Variants in MCC observed in about 807,000 individuals in gnomAD.
MCC encodes MCC regulator of Wnt signaling pathway.
MCC carries 90 observed loss-of-function variants against 116.2 expected under a neutral mutation model. The observed-to-expected ratio is 0.77, with a 90% confidence interval of 0.65 to 0.92. The LOEUF is 0.92. MCC is among the 40% of genes least tolerant of loss of function. MCC has a pLI of 0.00. For synonymous variants in MCC, 578 were observed against 510.5 expected (o/e 1.13, Z -1.78); for missense variants, 1,516 against 1,312.2 (o/e 1.16, Z -2.40).
At chr5:113,035,567 G>A (rs1452751808) in intron 17 of MCC, among the ~76,000 whole-genome samples, 1 of 152,138 alleles carries the variant, frequency 6.6e-6, no homozygotes, top group African/African-American at 2.4e-5. Context: ...GCTACTTGCT[G>A]GGCCTTTGGG....
intron 6 of MCC, among the ~76,000 whole-genome samples, chr5:113,108,551 G>C (rs2050308126): frequency 1.3e-5 from 2 of 151,766 alleles, no homozygotes; most frequent in South Asian, 2.1e-4. Flanking sequence ...TACTCAGGAG[G>C]CTGAGGCAGG....
chr5:113,132,507 T>C (rs1450484504), intron 5 of MCC, among the ~76,000 whole-genome samples: 1 of 150,072 alleles, frequency 6.7e-6, no homozygotes, highest in Non-Finnish European at 1.5e-5. Context: ...CAAGAAAATA[T>C]GCACAGCCTA....
At chr5:113,372,722 C>T (rs764417209) in intron 2 of MCC, among the ~76,000 whole-genome samples, 4 of 152,096 alleles carry the variant, frequency 2.6e-5, no homozygotes, top group Non-Finnish European at 5.9e-5. Flanking sequence ...GACTGGGTCT[C>T]GCTTTGTCAC....
chr5:113,095,392 A>C (rs1755941835), intron 8 of MCC, among the ~76,000 whole-genome samples: 1 of 152,238 alleles, frequency 6.6e-6, no homozygotes. Flanking sequence ...CATCTCTAAA[A>C]AGGGTATAAT....
intron 1 of MCC, among the ~76,000 whole-genome samples, chr5:113,405,903 A>G (rs1769819442): frequency 6.6e-6 from 1 of 152,166 alleles, no homozygotes; most frequent in Non-Finnish European, 1.5e-5. Flanking sequence ...ACATGACTAC[A>G]TTTTCCTTTT....
intron 3 of MCC, among the ~76,000 whole-genome samples, chr5:113,154,009 A>C (rs1356108069): frequency 3.3e-5 from 5 of 152,238 alleles, no homozygotes; most frequent in African/African-American, 1.2e-4. Flanking sequence ...AATTTTACTT[A>C]ACATATCTTC....
chr5:113,264,892 A>G (rs1383022479), intron 3 of MCC, among the ~76,000 whole-genome samples: 1 of 152,092 alleles, frequency 6.6e-6, no homozygotes, highest in Admixed American at 6.5e-5. Context: ...AAATACAAAA[A>G]TTAGCCAGGT....
At chr5:113,312,460 G>A (rs1476257208) in intron 3 of MCC, among the ~76,000 whole-genome samples, 1 of 152,172 alleles carries the variant, frequency 6.6e-6, no homozygotes, top group Non-Finnish European at 1.5e-5. Flanking sequence ...GAAGGGTAGG[G>A]GAAAGAGGTG....
At chr5:113,238,046 G>T (rs1581297308) in intron 3 of MCC, among the ~76,000 whole-genome samples, 1 of 152,278 alleles carries the variant, frequency 6.6e-6, no homozygotes, top group South Asian at 2.1e-4. Context: ...AAAATTTCTG[G>T]CTGCAAGACT....
rs973192048 is a variant in MCC, at chr5:113,448,717, T to C, written c.170+39528A>G. ...TAAGATTTTCTTCTCTAATATTTTT[T>C]CCCGGAATTACAAAATCATCATCTT... On this transcript the variant is annotated intron_variant, in intron 1 of 18. Coordinates refer to ENST00000408903, the MANE Select transcript of MCC (RefSeq NM_001085377.2). 3.3e-5 allele frequency among the ~76,000 whole-genome samples: 5 copies of C among 152,310 alleles called. No individual in the cohort carries two copies. The East Asian group carries it at 9.6e-4, about 29-fold the overall frequency.
intron 1 of MCC, among the ~76,000 whole-genome samples, chr5:113,439,236 T>TA (rs1319543670): frequency 3.9e-5 from 6 of 152,152 alleles, no homozygotes; most frequent in Non-Finnish European, 7.3e-5. Context: ...AGTCTGGTGG[T>TA]AAACAGCAGG....
chr5:113,294,468 T>G lies in MCC; in HGVS notation c.627+46051A>C. The G allele has an allele frequency of 5.0e-6, 8 of 1,603,388 alleles. No individual in the cohort carries two copies. The South Asian group carries it at 8.9e-5, about 18-fold the overall frequency. ...ACTTCACAGGCTCAATATCCACTGC[T>G]TGGTCCCTTCTGCCACATTTTAGTC... On this transcript the variant is annotated intron_variant, in intron 3 of 18. Coordinates refer to ENST00000408903, the MANE Select transcript of MCC (RefSeq NM_001085377.2).
intron 1 of MCC, among the ~76,000 whole-genome samples, chr5:113,407,692 A>G (rs770245763): frequency 6.6e-6 from 1 of 152,148 alleles, no homozygotes; most frequent in African/African-American, 2.4e-5. Context: ...GGTTTGTTAC[A>G]TAGGTATACG....
chr5:113,434,521 C>A lies in MCC; in HGVS notation c.171-49309G>T. On this transcript the variant is annotated intron_variant, in intron 1 of 18. Transcript: ENST00000408903. This position sits in a 1 kb window ranked among gnomAD's most constrained non-coding sequence, Gnocchi z 4.2. ...TTGCGAGCTTCGTCCTCATGCAGGG[C>A]TCCCCGGGTTTTGATTAACTCGAGG... The A allele has an allele frequency of 1.9e-6, 3 of 1,612,640 alleles. No homozygotes were observed. Among genetic ancestry groups the A allele is most frequent in the Non-Finnish European group, 2.5e-6 (3 of 1,178,842 alleles).
At chr5:113,101,407 G>T (rs994879319) in intron 8 of MCC, 2 of 205,078 alleles carry the variant, frequency 9.8e-6, no homozygotes, top group Non-Finnish European at 9.6e-6. Context: ...AAATTCTAAA[G>T]ACTATTAGTT....
chr5:113,233,886 TTCTC>T (rs1309151812), intron 3 of MCC, among the ~76,000 whole-genome samples: 1 of 152,216 alleles, frequency 6.6e-6, no homozygotes, highest in Admixed American at 6.5e-5. Flanking sequence ...CATCTGATCA[TTCTC>T]TGCTCTTAAA....
In MCC at chr5:113,023,597, C is replaced by G. The variant is rs1266177629; in HGVS notation, c.*3705G>C. The G allele has an allele frequency of 6.6e-6, 1 of 152,110 alleles. No individual in the cohort carries two copies. The highest frequency in any genetic ancestry group is 2.4e-5 in the African/African-American group (1 of 41,410). The allele number at this position is 152,110 out of a possible 1,614,324, so 9.4% of individuals were successfully genotyped here. ...TTACTATTTTGGCTCTCAAAATACT[C>G]TAACTAGTAGCTCTGTTTGCTGAAT... On this transcript the variant is annotated 3_prime_UTR_variant, in exon 19 of 19. Transcript: ENST00000408903.
chr5:113,479,531 A>G (rs1301618892), intron 1 of MCC, among the ~76,000 whole-genome samples: 1 of 151,838 alleles, frequency 6.6e-6, no homozygotes, highest in African/African-American at 2.4e-5. Context: ...TTGTATGTGA[A>G]TGTTCATAAC....
At chr5:113,238,860 C>T (rs866958482) in intron 3 of MCC, among the ~76,000 whole-genome samples, 1 of 152,180 alleles carries the variant, frequency 6.6e-6, no homozygotes, top group Non-Finnish European at 1.5e-5. Flanking sequence ...GAACTTAAAA[C>T]ATATTTTCCA....
Sources: allele counts gnomAD v4.1 joint callset (sites outside exome capture counted in the v4.1 genomes callset), GRCh38; gene constraint gnomAD v4.1.1; non-coding constraint Gnocchi (gnomAD v3.1); transcripts MANE v1.5; gene names NCBI Gene and HGNC (gene_info 2026-07-23, HGNC 2026-07-21).